Variants in R3HCC1L observed in about 807,000 individuals in gnomAD.
The protein encoded by R3HCC1L is R3H domain and coiled-coil containing 1 like.
A neutral mutation model predicts 59.9 loss-of-function variants in R3HCC1L; 51 were observed. The ratio of observed to expected loss-of-function variants is 0.85; its 90% CI spans 0.68 to 1.07. R3HCC1L has a LOEUF of 1.07. R3HCC1L is among the 50% of genes least tolerant of loss of function. The pLI is 0.00. For missense variants in R3HCC1L, 965 were observed against 933.0 expected (o/e 1.03, Z -0.45); for synonymous variants, 322 against 315.2 (o/e 1.02, Z -0.23).
intron 5 of R3HCC1L, among the ~76,000 whole-genome samples, chr10:98,230,510 T>C (rs956324274): frequency 6.6e-6 from 1 of 152,198 alleles, no homozygotes; most frequent in African/African-American, 2.4e-5. Context: ...ATTTTGTTGA[T>C]CTTTTCAGAA....
intron 5 of R3HCC1L, among the ~76,000 whole-genome samples, chr10:98,218,561 C>CT (rs1854485011): frequency 6.6e-6 from 1 of 151,986 alleles, no homozygotes; most frequent in Admixed American, 6.6e-5. Flanking sequence ...TTTATGAAGT[C>CT]TTTTACTAAT....
chr10:98,168,254 C>T (rs182875957), intron 4 of R3HCC1L, among the ~76,000 whole-genome samples: 2 of 152,278 alleles, frequency 1.3e-5, no homozygotes, highest in African/African-American at 4.8e-5. Flanking sequence ...TTTTATCTGA[C>T]TGCCTTTTGA....
In R3HCC1L at chr10:98,209,519, T is replaced by A. The variant is rs1853279532; in HGVS notation, c.1405T>A (p.Cys469Ser). The A allele has an allele frequency of 6.2e-7, 1 of 1,613,778 alleles. No individual in the cohort carries two copies. Among genetic ancestry groups the A allele is most frequent in the Admixed American group, 1.7e-5 (1 of 59,982 alleles). Residue 469 changes from cysteine to serine, a missense_variant, in exon 5 of 10, where the codon TGT (cysteine) becomes AGT (serine). Physicochemically the swap from Cys to Ser is moderately radical, Grantham distance 112 (BLOSUM62 -1). Coordinates refer to ENST00000298999, the MANE Select transcript of R3HCC1L (RefSeq NM_001351015.2). ...AAAGTTGATAGAGAGCTTGTCAGATTGTGCTTCCTCCTTACCTATAAAAAA... is the reference window on the plus strand; with the variant it reads ...AAAGTTGATAGAGAGCTTGTCAGATAGTGCTTCCTCCTTACCTATAAAAAA... ...TGKLIESLSD[C>S]ASSLPIKKIA...
chr10:98,244,381 GC>G lies in R3HCC1L; in HGVS notation c.*225del. The G allele has an allele frequency of 2.4e-6, 1 of 413,768 alleles. No homozygotes were observed. 25.6% of individuals were successfully genotyped at this position (413,768 alleles called of 1,614,324 possible). On this transcript the variant is annotated 3_prime_UTR_variant, in exon 10 of 10. Coordinates refer to ENST00000298999, the MANE Select transcript of R3HCC1L (RefSeq NM_001351015.2). Reference sequence around the variant, plus strand: ...CCTACTGTGGTGGGCGTAGTAGGGAGCCATCAGCTAGGAAGAAACGTGGGAG... The same window carrying G: ...CCTACTGTGGTGGGCGTAGTAGGGAGCATCAGCTAGGAAGAAACGTGGGAG...
chr10:98,230,021 G>A (rs1052669646), intron 5 of R3HCC1L, among the ~76,000 whole-genome samples: 34 of 148,616 alleles, frequency 2.3e-4, no homozygotes, highest in African/African-American at 7.7e-4. Context: ...ATGTTCATCA[G>A]GGATATTGGT....
In R3HCC1L at chr10:98,208,662, T is replaced by C. The variant is rs1327732169; in HGVS notation, c.548T>C (p.Val183Ala). The C allele has an allele frequency of 1.2e-6, 2 of 1,614,024 alleles. No individual in the cohort carries two copies. The highest frequency in any genetic ancestry group is 2.7e-5 in the African/African-American group (2 of 74,928). Residue 183 changes from valine (V) to alanine (A), a missense_variant, in exon 5 of 10, where the codon GTG becomes GCG. Coordinates refer to ENST00000298999, the MANE Select transcript of R3HCC1L (RefSeq NM_001351015.2). ...AQVPSKPFQN[V>A]EFCDFSRHEP... ...GTTCCAAGCAAACCATTCCAAAATG[T>C]GGAATTCTGTGACTTCAGTAGGCAT...
chr10:98,214,962 A>G (rs951420396), intron 5 of R3HCC1L, among the ~76,000 whole-genome samples: 1 of 152,192 alleles, frequency 6.6e-6, no homozygotes, highest in African/African-American at 2.4e-5. Context: ...TTCTTATTTT[A>G]TAGATAAGGT....
intron 8 of R3HCC1L, 77 bp downstream of exon 8, chr10:98,235,597 G>T: frequency 1.0e-6 from 1 of 984,242 alleles, no homozygotes; most frequent in Non-Finnish European, 1.5e-6. Flanking sequence ...ATAGCATCCA[G>T]ACATCTAAAG....
chr10:98,162,680 GTGTGTGTGTGTGTGTCTC>G (rs1352482833), intron 2 of R3HCC1L, among the ~76,000 whole-genome samples, 185 bp from the exon 3 acceptor site: 3 of 151,798 alleles, frequency 2.0e-5, no homozygotes, highest in Non-Finnish European at 4.4e-5. Context: ...GTTTGTGTGT[GTGTGTGTGTGTGTGTCTC>G]TGTGTGTGTG....
chr10:98,166,466 T>C (rs1847958900), intron 4 of R3HCC1L, among the ~76,000 whole-genome samples: 1 of 152,262 alleles, frequency 6.6e-6, no homozygotes, highest in Non-Finnish European at 1.5e-5. Flanking sequence ...ATGTTGAGTC[T>C]ATTCTTTCCA....
intron 4 of R3HCC1L, among the ~76,000 whole-genome samples, chr10:98,172,013 T>C (rs1348538441): frequency 6.6e-6 from 1 of 152,172 alleles, no homozygotes; most frequent in Non-Finnish European, 1.5e-5. Flanking sequence ...AACAACATTT[T>C]AGGATTATGT....
chr10:98,152,087 C>T (rs891469252), intron 1 of R3HCC1L, among the ~76,000 whole-genome samples: 1 of 152,162 alleles, frequency 6.6e-6, no homozygotes, highest in African/African-American at 2.4e-5. Flanking sequence ...CGAGTGCCTG[C>T]GATTGCAGGC....
chr10:98,162,659 CGTGTGTGTGTGTTTGTGTGT>C (rs1847547459), intron 2 of R3HCC1L, among the ~76,000 whole-genome samples: 1 of 150,138 alleles, frequency 6.7e-6, no homozygotes, highest in Non-Finnish European at 1.5e-5. Context: ...AACATCTGTT[CGTGTGTGTGTGTTTGTGTGT>C]GTGTGTGTGT....
At chr10:98,183,453 G>A (rs1590605347) in intron 4 of R3HCC1L, among the ~76,000 whole-genome samples, 2 of 150,802 alleles carry the variant, frequency 1.3e-5, no homozygotes, top group East Asian at 3.9e-4. Flanking sequence ...TGTTGTTGTT[G>A]TTTGTTTATT....
At position 98,189,331 on chromosome 10, in the gene R3HCC1L, T is replaced by C. The variant is rs1590632386; in HGVS notation, c.-14-18770T>C. 2.0e-5 allele frequency among the ~76,000 whole-genome samples: 3 copies of C among 152,154 alleles called. No homozygotes were observed. In the East Asian group the frequency reaches 5.8e-4, roughly 29 times the overall value. ...ACAGCATTTCACAATGAAGAAGGCC[T>C]TGAGGCATCACCTTATACATGGCGC... On this transcript the variant is annotated intron_variant, in intron 4 of 9. Coordinates refer to ENST00000298999, the MANE Select transcript of R3HCC1L (RefSeq NM_001351015.2).
At chr10:98,219,518 C>G (rs1291780970) in intron 5 of R3HCC1L, among the ~76,000 whole-genome samples, 2 of 152,076 alleles carry the variant, frequency 1.3e-5, no homozygotes, top group Non-Finnish European at 1.5e-5. Context: ...TTCTTCCTAT[C>G]TTATTTATCT....
chr10:98,228,040 A>G (rs866875180), intron 5 of R3HCC1L, among the ~76,000 whole-genome samples: 1 of 152,074 alleles, frequency 6.6e-6, no homozygotes, highest in Non-Finnish European at 1.5e-5. Context: ...CGCAACAAAC[A>G]TATGTGTGCA....
At position 98,187,634 on chromosome 10, in the gene R3HCC1L, A is replaced by G. The variant is rs147950472; in HGVS notation, c.-14-20467A>G. Among the ~76,000 whole-genome samples the G allele has an allele frequency of 3.4e-4, 52 of 152,072 alleles. No homozygotes were observed. In the East Asian group the frequency reaches 8.9e-3, roughly 26 times the overall value. On this transcript the variant is annotated intron_variant, in intron 4 of 9. Transcript: ENST00000298999. ...TAGTTTGCACATAAGGTCTCTTTCT[A>G]TAAATAGATATGTATCATATATACA...
chr10:98,224,977 G>A (rs1855502405), intron 5 of R3HCC1L, among the ~76,000 whole-genome samples: 1 of 152,170 alleles, frequency 6.6e-6, no homozygotes, highest in Non-Finnish European at 1.5e-5. Context: ...AGTAATAACA[G>A]GTAAAATTAA....
Sources: gnomAD v4.1 joint callset for allele counts (sites outside exome capture counted in the v4.1 genomes callset) on GRCh38, gnomAD v4.1.1 for gene constraint, MANE v1.5 for transcripts, NCBI Gene and HGNC (gene_info 2026-07-23, HGNC 2026-07-21) for gene names.